ACTL9: variants seen among roughly 807,000 people sequenced by gnomAD.
ACTL9 encodes the protein actin like 9.
In ACTL9, 1 loss-of-function variant was observed where a neutral mutation model predicts 0.9. The observed-to-expected ratio is 1.10, with a 90% confidence interval of 0.39 to 5.23. The LOEUF (loss-of-function observed/expected upper bound fraction) is 5.23, where lower values mean the gene tolerates loss of function less well. Among genes scored for constraint, ACTL9 ranks in the 30% most tolerant of loss-of-function variants. ACTL9 has a pLI of 0.16. For synonymous variants in ACTL9, 283 were observed against 269.5 expected, an observed-to-expected ratio of 1.05 and a Z score of -0.49; for missense variants, 597 against 566.8, an observed-to-expected ratio of 1.05 and a Z score of -0.54.
chr19:8,697,582 G>T lies in ACTL9; in HGVS notation c.1120C>A (p.Pro374Thr). ...AETHVVVAAQ[P>T]TRNFSVWIGG... ...ATCCATACGGAGAAATTCCTGGTGG[G>T]CTGGGCAGCCACCACCACGTGGGTC... is the stretch of plus-strand genomic sequence containing the variant. Residue 374 changes from proline to threonine, a missense_variant, in exon 1 of 1, where the codon CCC (proline) becomes ACC (threonine). Transcript: ENST00000324436. This position sits in a 1 kb window ranked among gnomAD's most constrained non-coding sequence, Gnocchi z 4.3. The T allele has an allele frequency of 6.2e-7, 1 of 1,613,594 alleles. No individual in the cohort carries two copies. The highest frequency in any genetic ancestry group is 8.5e-7 in the Non-Finnish European group (1 of 1,179,926).
Position 8,698,744 on chromosome 19 carries a change from G to A in ACTL9, c.-43C>T. On this transcript the variant is annotated 5_prime_UTR_variant, in exon 1 of 1. Coordinates refer to ENST00000324436, the MANE Select transcript of ACTL9 (RefSeq NM_178525.5). ...TGAGGGGGCTTTTCCTCTGGGGTTGGGGTTGCGGGGAGAAGAGGTTGAGGC... is the reference window on the plus strand; with the variant it reads ...TGAGGGGGCTTTTCCTCTGGGGTTGAGGTTGCGGGGAGAAGAGGTTGAGGC... 6.8e-7 allele frequency: 1 copy of A among 1,473,052 alleles called. No homozygotes were observed. Among genetic ancestry groups the A allele is most frequent in the Admixed American group, 2.3e-5 (1 of 43,178 alleles). 91.2% of individuals were successfully genotyped at this position (1,473,052 alleles called of 1,614,324 possible). A position where few individuals can be genotyped will look rare whatever the true frequency, so the allele number is the denominator to read the frequency against.
Position 8,698,717 on chromosome 19 carries a change from G to A in ACTL9, c.-16C>T, listed in dbSNP as rs782373832. On this transcript the variant is annotated 5_prime_UTR_variant, in exon 1 of 1. Coordinates refer to ENST00000324436, the MANE Select transcript of ACTL9 (RefSeq NM_178525.5). The stretch of plus-strand genomic sequence containing the variant: ...TTGCATCCATGGTTGCGGGACGCCA[G>A]GTGAGGGGGCTTTTCCTCTGGGGTT... 85 of 1,481,384 alleles carry A rather than the reference G, an allele frequency of 5.7e-5. No individual in the cohort carries two copies. The Admixed American group carries it at 7.0e-4, about 12-fold the overall frequency. 91.8% of individuals were successfully genotyped at this position (1,481,384 alleles called of 1,614,324 possible). A position where few individuals can be genotyped will look rare whatever the true frequency, so the allele number is the denominator to read the frequency against.
At position 8,697,856 on chromosome 19, in the gene ACTL9, C is replaced by T. The variant is rs572162033; in HGVS notation, c.846G>A (p.Leu282=). 2.0e-5 allele frequency: 32 copies of T among 1,613,200 alleles called. No individual in the cohort carries two copies. Among genetic ancestry groups the T allele is most frequent in the Non-Finnish European group, 8.5e-7 (1 of 1,179,920 alleles). ...PEQEYKRTLK[L]PDGRTVTLGK... ...CCAGGGTGACCGTGCGCCCATCGGG[C>T]AGCTTCAGAGTCCGCTTGTACTCCT... Residue 282 remains leucine, a synonymous_variant, in exon 1 of 1, where the codon CTG becomes CTA. Coordinates refer to ENST00000324436, the MANE Select transcript of ACTL9 (RefSeq NM_178525.5). The surrounding 1 kb of genome is among the most constrained non-coding windows in gnomAD (Gnocchi z 4.3).
Position 8,698,109 on chromosome 19 carries a change from G to A in ACTL9, c.593C>T (p.Thr198Met). 2 of 1,604,162 alleles carry A rather than the reference G, an allele frequency of 1.2e-6. No individual in the cohort carries two copies. The highest frequency in any genetic ancestry group is 1.1e-5 in the South Asian group (1 of 91,088). Residue 198 changes from threonine (T) to methionine (M), a missense_variant, in exon 1 of 1, where the codon ACG becomes ATG. Physicochemically the swap from Thr to Met is moderately conservative, Grantham distance 81. Transcript: ENST00000324436. ...HGRVSGLVVD[T>M]GHGVTYTVPV... ...CACTGTGTAGGTGACCCCGTGTCCC[G>A]TGTCCACCACCAGCCCGCTGACACG...
In ACTL9 at chr19:8,697,807, C is replaced by T. The variant is rs1391762449; in HGVS notation, c.895G>A (p.Glu299Lys). ...TLGKELFQCP[E>K]LLFNPPEVPG... ...ACCTCTGGGGGGTTGAACAGCAGCT[C>T]CGGACACTGGAACAGCTCCTTGCCC... Residue 299 changes from glutamate to lysine, a missense_variant, in exon 1 of 1, where the codon GAG (glutamate) becomes AAG (lysine). Coordinates refer to ENST00000324436, the MANE Select transcript of ACTL9 (RefSeq NM_178525.5). The surrounding 1 kb of genome is among the most constrained non-coding windows in gnomAD (Gnocchi z 4.3). 4 of 1,613,060 alleles carry T rather than the reference C, an allele frequency of 2.5e-6. No individual in the cohort carries two copies. Among genetic ancestry groups the T allele is most frequent in the Non-Finnish European group, 3.4e-6 (4 of 1,179,996 alleles).
Position 8,698,044 on chromosome 19 carries a change from G to A in ACTL9, c.658C>T (p.Arg220Cys). 6.2e-7 allele frequency: 1 copy of A among 1,601,498 alleles called. No individual in the cohort carries two copies. Among genetic ancestry groups the A allele is most frequent in the Non-Finnish European group, 8.5e-7 (1 of 1,179,858 alleles). ...AGGTTGTTGCCCGCCAGGTCCAGAC[G>A]CTCCGTGGCGTGGAGCAGGTTGTAG... ...QGYNLLHATE[R>C]LDLAGNNLTA... The change falls in exon 1 of 1, where the codon CGT (arginine) becomes TGT (cysteine). Residue 220 changes from arginine to cysteine, a missense_variant. Arg to Cys is a radical substitution (Grantham distance 180). Coordinates refer to ENST00000324436, the MANE Select transcript of ACTL9 (RefSeq NM_178525.5).
At position 8,697,595 on chromosome 19, in the gene ACTL9, C is replaced by A. The variant is rs1555753258; in HGVS notation, c.1107G>T (p.Val369=). Reference sequence around the variant, plus strand: ...AATTCCTGGTGGGCTGGGCAGCCACCACCACGTGGGTCTCGGCTGGCAGAG... The same window carrying A: ...AATTCCTGGTGGGCTGGGCAGCCACAACCACGTGGGTCTCGGCTGGCAGAG... ...LRALPAETHV[V]VAAQPTRNFS... is the part of the protein sequence containing the mutation. Residue 369 remains valine (V), a synonymous_variant, in exon 1 of 1, where the codon GTG becomes GTT. Coordinates refer to ENST00000324436, the MANE Select transcript of ACTL9 (RefSeq NM_178525.5). The surrounding 1 kb of genome is among the most constrained non-coding windows in gnomAD (Gnocchi z 4.3). The A allele has an allele frequency of 2.1e-5, 34 of 1,613,484 alleles. No individual in the cohort carries two copies. The highest frequency in any genetic ancestry group is 2.8e-5 in the Non-Finnish European group (33 of 1,179,906).
chr19:8,698,389 G>A lies in ACTL9; in HGVS notation c.313C>T (p.Leu105Phe). 4 of 1,515,774 alleles carry A rather than the reference G, an allele frequency of 2.6e-6. No individual in the cohort carries two copies. Among genetic ancestry groups the A allele is most frequent in the Non-Finnish European group, 3.5e-6 (4 of 1,131,366 alleles). The allele number at this position is 1,515,774 out of a possible 1,614,324, so 93.9% of individuals were successfully genotyped here. A position where few individuals can be genotyped will look rare whatever the true frequency, so the allele number is the denominator to read the frequency against. ...GGTTGCACCAGCGTCAGCTCTGGGA[G>A]CACGCGGGCTGCCTCGCCGATGAAC... ...QTFIGEAARV[L>F]PELTLVQPLR... The change falls in exon 1 of 1, where the codon CTC (leucine) becomes TTC (phenylalanine). Residue 105 changes from leucine (L) to phenylalanine (F), a missense_variant. Transcript: ENST00000324436.
In ACTL9 at chr19:8,698,629, T is replaced by G; in HGVS notation, c.73A>C (p.Ser25Arg). 1 of 1,601,442 alleles carries G rather than the reference T, an allele frequency of 6.2e-7. No individual in the cohort carries two copies. Among genetic ancestry groups the G allele is most frequent in the South Asian group, 1.1e-5 (1 of 90,352 alleles). The change falls in exon 1 of 1, where the codon AGT (serine) becomes CGT (arginine). Residue 25 changes from serine to arginine, a missense_variant. Ser to Arg is a moderately radical substitution (Grantham distance 110, BLOSUM62 -1). Coordinates refer to ENST00000324436, the MANE Select transcript of ACTL9 (RefSeq NM_178525.5). Reference sequence around the variant, plus strand: ...AGGGGCTTGTTCACCACGTTGGGACTGGGGTTTGGGCCGGGCCTGGGGGCC... The same window carrying G: ...AGGGGCTTGTTCACCACGTTGGGACGGGGGTTTGGGCCGGGCCTGGGGGCC... ...LEAPRPGPNP[S>R]PNVVNKPLQR... is the part of the protein sequence containing the mutation.
chr19:8,698,555 G>T lies in ACTL9; in HGVS notation c.147C>A (p.Thr49=), dbSNP rs1448272134. Residue 49 remains threonine (T), a synonymous_variant, in exon 1 of 1, where the codon ACC becomes ACA. Coordinates refer to ENST00000324436, the MANE Select transcript of ACTL9 (RefSeq NM_178525.5). Reference sequence around the variant, plus strand: ...TGCCCATGTCAATAACCACCGCGCCGGTCTTTGGTGGCAGCCTGTCGGCCA... The same window carrying T: ...TGCCCATGTCAATAACCACCGCGCCTGTCTTTGGTGGCAGCCTGTCGGCCA... ...GMVADRLPPK[T]GAVVIDMGTG... The T allele has an allele frequency of 6.2e-7, 1 of 1,612,578 alleles. No individual in the cohort carries two copies. The highest frequency in any genetic ancestry group is 1.1e-5 in the South Asian group (1 of 90,932).
At position 8,698,589 on chromosome 19, in the gene ACTL9, G is replaced by A. The variant is rs782351872; in HGVS notation, c.113C>T (p.Pro38Leu). The change falls in exon 1 of 1, where the codon CCC becomes CTC. Residue 38 changes from proline to leucine, a missense_variant. By Grantham distance (98) the Pro-to-Leu change is moderately conservative. Coordinates refer to ENST00000324436, the MANE Select transcript of ACTL9 (RefSeq NM_178525.5). ...TGGCAGCCTGTCGGCCACCATGCCG[G>A]GGGAGTCCCGCTGCAGGGGCTTGTT... ...VVNKPLQRDS[P>L]GMVADRLPPK... is the part of the protein sequence containing the mutation. 1 of 1,612,558 alleles carries A rather than the reference G, an allele frequency of 6.2e-7. No homozygotes were observed.
rs1555753443 is a variant in ACTL9 at position 8,698,272 on chromosome 19, G to A, written c.430C>T (p.His144Tyr). 6.5e-7 allele frequency: 1 copy of A among 1,549,362 alleles called. No homozygotes were observed. The change falls in exon 1 of 1, where the codon CAC becomes TAC. Residue 144 changes from histidine (H) to tyrosine (Y), a missense_variant. His to Tyr is a moderately conservative substitution (Grantham distance 83). Transcript: ENST00000324436. The part of the protein sequence containing the change: ...EHDLRVATHD[H>Y]PLLFSDPPFS... The stretch of plus-strand genomic sequence containing the variant: ...GGTGGGTCGGAGAACAGCAGCGGGT[G>A]GTCGTGGGTGGCCACTCGGAGGTCG...
rs782768696 is a variant in ACTL9 at position 8,698,679 on chromosome 19, G to T, written c.23C>A (p.Ser8Tyr). MDASRPK[S>Y]SESQSSLEAP... ...CTCCAGGGAGGACTGGGATTCCGAG[G>T]ACTTGGGGCGACTTGCATCCATGGT... Residue 8 changes from serine to tyrosine, a missense_variant, in exon 1 of 1, where the codon TCC becomes TAC. Coordinates refer to ENST00000324436, the MANE Select transcript of ACTL9 (RefSeq NM_178525.5). The T allele has an allele frequency of 7.2e-6, 11 of 1,526,340 alleles. No individual in the cohort carries two copies. Among genetic ancestry groups the T allele is most frequent in the African/African-American group, 1.4e-5 (1 of 71,810 alleles). 94.5% of individuals were successfully genotyped at this position (1,526,340 alleles called of 1,614,324 possible). A position where few individuals can be genotyped will look rare whatever the true frequency, so the allele number is the denominator to read the frequency against.
chr19:8,698,621 G>A lies in ACTL9; in HGVS notation c.81C>T (p.Asn27=). ...CCCGCTGCAGGGGCTTGTTCACCACGTTGGGACTGGGGTTTGGGCCGGGCC... is the reference window on the plus strand; with the variant it reads ...CCCGCTGCAGGGGCTTGTTCACCACATTGGGACTGGGGTTTGGGCCGGGCC... The part of the protein sequence containing the change: ...APRPGPNPSP[N]VVNKPLQRDS... The change falls in exon 1 of 1, where the codon AAC becomes AAT. Residue 27 remains asparagine, a synonymous_variant. Coordinates refer to ENST00000324436, the MANE Select transcript of ACTL9 (RefSeq NM_178525.5). 6.2e-7 allele frequency: 1 copy of A among 1,607,052 alleles called. No individual in the cohort carries two copies. Among genetic ancestry groups the A allele is most frequent in the Non-Finnish European group, 8.5e-7 (1 of 1,174,954 alleles).
rs200864034 is a variant in ACTL9 at position 8,697,655 on chromosome 19, G to A, written c.1047C>T (p.Gly349=). Residue 349 remains glycine, a synonymous_variant, in exon 1 of 1, where the codon GGC becomes GGT. Coordinates refer to ENST00000324436, the MANE Select transcript of ACTL9 (RefSeq NM_178525.5). This position sits in a 1 kb window ranked among gnomAD's most constrained non-coding sequence, Gnocchi z 4.3. ...GCTCTGCCCGGAAGCGACCCTCGAA[G>A]CCGGTGAAGAGCGAGGACCCACCGC... ...LLCGGSSLFT[G]FEGRFRAELL... 2 of 1,612,748 alleles carry A rather than the reference G, an allele frequency of 1.2e-6. No homozygotes were observed. The highest frequency in any genetic ancestry group is 1.7e-5 in the Admixed American group (1 of 59,928).
chr19:8,697,568 G>T lies in ACTL9; in HGVS notation c.1134C>A (p.Phe378Leu). Residue 378 changes from phenylalanine (F) to leucine (L), a missense_variant, in exon 1 of 1, where the codon TTC (phenylalanine) becomes TTA (leucine). Transcript: ENST00000324436. The surrounding 1 kb of genome is among the most constrained non-coding windows in gnomAD (Gnocchi z 4.3). The stretch of plus-strand genomic sequence containing the variant: ...GGATGGAGCCCCCGATCCATACGGA[G>T]AAATTCCTGGTGGGCTGGGCAGCCA... ...VVVAAQPTRN[F>L]SVWIGGSILA... 6.2e-7 allele frequency: 1 copy of T among 1,613,758 alleles called. No individual in the cohort carries two copies. The highest frequency in any genetic ancestry group is 8.5e-7 in the Non-Finnish European group (1 of 1,179,944).
Position 8,698,219 on chromosome 19 carries a change from C to A in ACTL9, c.483G>T (p.Lys161Asn). The stretch of plus-strand genomic sequence containing the variant: ...GCGACTCGAAGGCCACCTCCACTAG[C>A]TTCTCGCGGTTGGTGGCCGGGCTGA... ...PPFSPATNRE[K>N]LVEVAFESLR... The change falls in exon 1 of 1, where the codon AAG becomes AAT. Residue 161 changes from lysine to asparagine, a missense_variant. Coordinates refer to ENST00000324436, the MANE Select transcript of ACTL9 (RefSeq NM_178525.5). The A allele has an allele frequency of 6.3e-7, 1 of 1,596,108 alleles. No individual in the cohort carries two copies. Among genetic ancestry groups the A allele is most frequent in the South Asian group, 1.1e-5 (1 of 89,702 alleles).
Position 8,697,622 on chromosome 19 carries a change from G to GC in ACTL9, c.1079dup (p.Ala361ArgfsTer69). 1 of 1,612,444 alleles carries GC rather than the reference G, an allele frequency of 6.2e-7. No individual in the cohort carries two copies. Among genetic ancestry groups the GC allele is most frequent in the Admixed American group, 1.7e-5 (1 of 59,872 alleles). On this transcript the variant is annotated frameshift_variant, in exon 1 of 1. Coordinates refer to ENST00000324436, the MANE Select transcript of ACTL9 (RefSeq NM_178525.5). LOFTEE classifies it low-confidence loss of function (END_TRUNC). This position sits in a 1 kb window ranked among gnomAD's most constrained non-coding sequence, Gnocchi z 4.3. ...CCACGTGGGTCTCGGCTGGCAGAGCGCGCAGCAGCTCTGCCCGGAAGCGAC... is the reference window on the plus strand; with the variant it reads ...CCACGTGGGTCTCGGCTGGCAGAGCGCCGCAGCAGCTCTGCCCGGAAGCGAC...
Position 8,698,414 on chromosome 19 carries a change from C to A in ACTL9, c.288G>T (p.Thr96=), listed in dbSNP as rs577861518. ...PATSGQSGLQ[T]FIGEAARVLP... Reference sequence around the variant, plus strand: ...GCACGCGGGCTGCCTCGCCGATGAACGTCTGCAGCCCGGACTGCCCCGAGG... The same window carrying A: ...GCACGCGGGCTGCCTCGCCGATGAAAGTCTGCAGCCCGGACTGCCCCGAGG... Residue 96 remains threonine, a synonymous_variant, in exon 1 of 1, where the codon ACG becomes ACT. Coordinates refer to ENST00000324436, the MANE Select transcript of ACTL9 (RefSeq NM_178525.5). 5.0e-5 allele frequency: 76 copies of A among 1,517,924 alleles called. 3 individuals carry two copies. The South Asian group carries it at 9.1e-4, about 18-fold the overall frequency. 94.0% of individuals were successfully genotyped at this position (1,517,924 alleles called of 1,614,324 possible).
Sources: allele counts gnomAD v4.1 joint callset, GRCh38; gene constraint gnomAD v4.1.1; non-coding constraint Gnocchi (gnomAD v3.1); transcripts MANE v1.5; gene names NCBI Gene and HGNC (gene_info 2026-07-23, HGNC 2026-07-21).